The following SLC6A15 variants were observed in gnomAD, a reference collection of about 807,000 sequenced individuals.
The protein encoded by SLC6A15 is sodium-dependent neutral amino acid transporter B(0)AT2.
In SLC6A15, 33 loss-of-function variants were observed where a neutral mutation model predicts 68.5. That is an observed-to-expected ratio of 0.48 (90% CI 0.37 to 0.64). The LOEUF (loss-of-function observed/expected upper bound fraction) is 0.64, where lower values mean the gene tolerates loss of function less well. SLC6A15 is among the 30% of genes least tolerant of loss of function. The probability of loss-of-function intolerance (pLI) is 0.00; values close to 1 mark genes in which losing one functional copy is unlikely to be tolerated. For missense variants in SLC6A15, 747 were observed against 874.3 expected (o/e 0.85, Z 1.84); for synonymous variants, 347 against 301.0 (o/e 1.15, Z -1.58).
chr12:84,911,077 C>T (rs1873428063), intron 1 of SLC6A15, among the ~76,000 whole-genome samples: 1 of 152,038 alleles, frequency 6.6e-6, no homozygotes, highest in Non-Finnish European at 1.5e-5. Flanking sequence ...ATAAATAGGT[C>T]TGTGTTTCAG....
intron 9 of SLC6A15, 194 bp from the exon 10 acceptor site, chr12:84,867,387 T>C (rs1871108271): frequency 2.9e-6 from 1 of 350,076 alleles, no homozygotes; most frequent in African/African-American, 2.1e-5. Flanking sequence ...TCAACATTCA[T>C]ACAAATTTAT....
Position 84,873,164 on chromosome 12 carries a change from A to C in SLC6A15, c.1032T>G (p.Thr344=), listed in dbSNP as rs1871363767. Residue 344 remains threonine (T), a synonymous_variant, in exon 7 of 12, where the codon ACT becomes ACG. Coordinates refer to ENST00000266682, the MANE Select transcript of SLC6A15 (RefSeq NM_182767.6). ...ACACCACCAATGTTGCCAGGACAGA[A>C]GTGAAAAAATTGATGAAGGACACCA... ...AVLVSFINFF[T]SVLATLVVFA... The C allele has an allele frequency of 6.2e-7, 1 of 1,613,962 alleles. No individual in the cohort carries two copies. The highest frequency in any genetic ancestry group is 1.7e-5 in the Admixed American group (1 of 59,988).
At position 84,861,993 on chromosome 12, in the gene SLC6A15, A is replaced by C. The variant is rs1870873559; in HGVS notation, c.1832T>G (p.Phe611Cys). 1 of 1,588,198 alleles carries C rather than the reference A, an allele frequency of 6.3e-7. No individual in the cohort carries two copies. Among genetic ancestry groups the C allele is most frequent in the Non-Finnish European group, 8.5e-7 (1 of 1,170,938 alleles). Residue 611 changes from phenylalanine (F) to cysteine (C), a missense_variant, in exon 12 of 12, where the codon TTT becomes TGT. Phe to Cys is a radical substitution (Grantham distance 205). Coordinates refer to ENST00000266682, the MANE Select transcript of SLC6A15 (RefSeq NM_182767.6). ...CAGTCCCCATGTTGGATAGCTCAGA[A>C]ATTCTTCAGATGCCTGTTAAAGAAG... ...AWIEDKASEE[F>C]LSYPTWGLVV...
chr12:84,898,993 C>A (rs1872742598), intron 1 of SLC6A15, among the ~76,000 whole-genome samples: 1 of 152,170 alleles, frequency 6.6e-6, no homozygotes, highest in African/African-American at 2.4e-5. Context: ...CTGTCAGTTC[C>A]AAGAAGGTGT....
chr12:84,885,324 T>C (rs1872040970), intron 4 of SLC6A15, 111 bp downstream of exon 4: 1 of 1,035,604 alleles, frequency 9.7e-7, no homozygotes, highest in African/African-American at 1.7e-5. Flanking sequence ...ATAATGATAA[T>C]TTTGAATGAT....
intron 1 of SLC6A15, among the ~76,000 whole-genome samples, chr12:84,892,636 G>T (rs1872465110): frequency 6.6e-6 from 1 of 152,014 alleles, no homozygotes; most frequent in South Asian, 2.1e-4. Context: ...GACTAAAGCA[G>T]ATATTTTCTT....
At chr12:84,901,066 A>G (rs540201756) in intron 1 of SLC6A15, among the ~76,000 whole-genome samples, 56 of 149,472 alleles carry the variant, frequency 3.7e-4, no homozygotes, top group East Asian at 2.0e-4. Flanking sequence ...GTATACGTAT[A>G]TGTGTGTGTG....
chr12:84,904,335 A>G (rs1236026549), intron 1 of SLC6A15, among the ~76,000 whole-genome samples: 1 of 152,108 alleles, frequency 6.6e-6, no homozygotes, highest in Non-Finnish European at 1.5e-5. Context: ...CTGAACAGCC[A>G]GGTAACACAC....
At chr12:84,865,252 T>C (rs1046864101) in intron 10 of SLC6A15, among the ~76,000 whole-genome samples, 10 of 152,192 alleles carry the variant, frequency 6.6e-5, no homozygotes, top group Non-Finnish European at 1.2e-4. Context: ...ATCTGTAAGA[T>C]ATGGATCATG....
chr12:84,876,472 C>A (rs371846307), intron 6 of SLC6A15, 25 bp downstream of exon 6: 6 of 1,136,148 alleles, frequency 5.3e-6, no homozygotes, highest in Admixed American at 4.4e-5. Flanking sequence ...TGATCATAAG[C>A]CTTAAATAGA....
intron 10 of SLC6A15, among the ~76,000 whole-genome samples, chr12:84,864,780 T>G (rs1871001273): frequency 6.6e-6 from 1 of 152,200 alleles, no homozygotes; most frequent in Admixed American, 6.5e-5. Context: ...TTCTGTGTTC[T>G]TTTGATGTAT....
At position 84,873,186 on chromosome 12, in the gene SLC6A15, A is replaced by G. The variant is rs984897112; in HGVS notation, c.1010T>C (p.Val337Ala). Residue 337 changes from valine (V) to alanine (A), a missense_variant, in exon 7 of 12, where the codon GTG becomes GCG. Coordinates refer to ENST00000266682, the MANE Select transcript of SLC6A15 (RefSeq NM_182767.6). ...DNNCHFDAVL[V>A]SFINFFTSVL... is the part of the protein sequence containing the mutation. ...AGAAGTGAAAAAATTGATGAAGGAC[A>G]CCAGGACAGCATCAAAGTGGCAGTT... 6.2e-7 allele frequency: 1 copy of G among 1,613,998 alleles called. No individual in the cohort carries two copies. Among genetic ancestry groups the G allele is most frequent in the African/African-American group, 1.3e-5 (1 of 74,922 alleles).
At chr12:84,866,418 C>T (rs1019040142) in intron 10 of SLC6A15, among the ~76,000 whole-genome samples, 6 of 151,926 alleles carry the variant, frequency 3.9e-5, no homozygotes, top group Non-Finnish European at 8.8e-5. Context: ...ATTATTTATG[C>T]GTATAGTGAA....
In SLC6A15 at chr12:84,912,627, G is replaced by A. The variant is rs1310876799; in HGVS notation, c.-293C>T. ...CCAGGTGGCTGTGACGGAGGCCGAAGAGGAGCTGTTGGCAGAGAAGCAGCT... is the reference window on the plus strand; with the variant it reads ...CCAGGTGGCTGTGACGGAGGCCGAAAAGGAGCTGTTGGCAGAGAAGCAGCT... On this transcript the variant is annotated 5_prime_UTR_variant, in exon 1 of 12. Coordinates refer to ENST00000266682, the MANE Select transcript of SLC6A15 (RefSeq NM_182767.6). 6.6e-6 allele frequency: 1 copy of A among 152,654 alleles called. No individual in the cohort carries two copies. The highest frequency in any genetic ancestry group is 1.5e-5 in the Non-Finnish European group (1 of 68,484). The allele number at this position is 152,654 out of a possible 1,614,324, so 9.5% of individuals were successfully genotyped here.
intron 4 of SLC6A15, among the ~76,000 whole-genome samples, chr12:84,884,731 G>A (rs1034017867): frequency 7.2e-5 from 11 of 151,928 alleles, no homozygotes; most frequent in South Asian, 2.1e-4. Flanking sequence ...TTTAGAAATG[G>A]GGCCAATCTA....
At chr12:84,867,335 T>C in intron 9 of SLC6A15, 142 bp from the exon 10 acceptor site, 1 of 580,478 alleles carries the variant, frequency 1.7e-6, no homozygotes, top group South Asian at 3.6e-5. Flanking sequence ...TCCTGATACA[T>C]GGCATATAAC....
rs537424724 is a variant in SLC6A15 at position 84,909,089 on chromosome 12, A to G, written c.-189+3434T>C. ...GTATGAGCTTTTATAATTTTGATAA[A>G]TATTACCAAATAGCCCTTGATAAAA... On this transcript the variant is annotated intron_variant, in intron 1 of 11. Coordinates refer to ENST00000266682, the MANE Select transcript of SLC6A15 (RefSeq NM_182767.6). Among the ~76,000 whole-genome samples, 14 of 152,262 alleles carry G rather than the reference A, an allele frequency of 9.2e-5. 1 individual carries two copies. The highest frequency in any genetic ancestry group is 3.4e-4 in the African/African-American group (14 of 41,570).
chr12:84,882,873 G>A (rs1871886728), intron 5 of SLC6A15: 1 of 502,864 alleles, frequency 2.0e-6, no homozygotes, highest in South Asian at 8.7e-5. Flanking sequence ...TTCAATTACT[G>A]TTCTTACCCT....
intron 1 of SLC6A15, among the ~76,000 whole-genome samples, chr12:84,897,595 T>C (rs1395258021): frequency 6.6e-6 from 1 of 152,136 alleles, no homozygotes; most frequent in Non-Finnish European, 1.5e-5. Flanking sequence ...ACACTTCTCA[T>C]AATATCTATT....
Sources: allele counts gnomAD v4.1 joint callset (sites outside exome capture counted in the v4.1 genomes callset), GRCh38; gene constraint gnomAD v4.1.1; transcripts MANE v1.5; gene names NCBI Gene and HGNC (gene_info 2026-07-23, HGNC 2026-07-21).